The following ZNF492 variants were observed in gnomAD, a reference collection of about 807,000 sequenced individuals.
ZNF492 encodes zinc finger protein 492.
A neutral mutation model predicts 6.4 loss-of-function variants in ZNF492; 3 were observed. The ratio of observed to expected loss-of-function variants is 0.47; its 90% CI spans 0.21 to 1.22. The LOEUF (loss-of-function observed/expected upper bound fraction) is 1.22. ZNF492 is among the 50% of genes most tolerant of loss of function. ZNF492 has a pLI of 0.22. For synonymous variants in ZNF492, 112 were observed against 205.3 expected (o/e 0.55, Z 3.89); for missense variants, 356 against 612.5 (o/e 0.58, Z 4.42).
intron 1 of ZNF492, among the ~76,000 whole-genome samples, chr19:22,640,532 T>G (rs771524588): frequency 6.6e-6 from 1 of 152,250 alleles, no homozygotes; most frequent in African/African-American, 2.4e-5. Context: ...AGGTTTTTGA[T>G]GTCCTGCTCA....
In ZNF492 at chr19:22,648,570, T is replaced by TGGGAATCAGTGG. The variant is rs1371460199; in HGVS notation, c.-93-4734_-93-4733insAATCAGTGGGGG. Among the ~76,000 whole-genome samples the TGGGAATCAGTGG allele has an allele frequency of 7.9e-5, 12 of 152,346 alleles. No homozygotes were observed. The East Asian group carries it at 2.1e-3, about 27-fold the overall frequency. On this transcript the variant is annotated intron_variant, in intron 1 of 3. Coordinates refer to ENST00000456783, the MANE Select transcript of ZNF492 (RefSeq NM_020855.3). ...GTGTTAAAGTCTCCCACTGATTGTG[T>TGGGAATCAGTGG]GGGCGTCTAAGTCTCTTTGTAGGTC...
intron 3 of ZNF492, among the ~76,000 whole-genome samples, chr19:22,660,432 C>T: frequency 6.7e-6 from 1 of 149,292 alleles, no homozygotes. Flanking sequence ...TTTTTGGTGG[C>T]ACCTTGGGGG....
chr19:22,650,388 C>T (rs1432308676), intron 1 of ZNF492, among the ~76,000 whole-genome samples: 4 of 151,660 alleles, frequency 2.6e-5, no homozygotes, highest in Non-Finnish European at 5.9e-5. Context: ...GTATCTCACC[C>T]AGTTGGGTGG....
At chr19:22,640,256 G>A (rs1282343976) in intron 1 of ZNF492, among the ~76,000 whole-genome samples, 1 of 151,792 alleles carries the variant, frequency 6.6e-6, no homozygotes, top group Admixed American at 6.6e-5. Context: ...TCTGCCTCCC[G>A]GGTTCAAGCA....
At position 22,652,221 on chromosome 19, in the gene ZNF492, C is replaced by CT. The variant is rs59051481; in HGVS notation, c.-93-1069dup. On this transcript the variant is annotated intron_variant, in intron 1 of 3. Coordinates refer to ENST00000456783, the MANE Select transcript of ZNF492 (RefSeq NM_020855.3). ...AATCTGGCAGCTGACCTTTCTTAGGCTTTTTTTTTTTTTTTTTGAGACGGA... is the reference window on the plus strand; with the variant it reads ...AATCTGGCAGCTGACCTTTCTTAGGCTTTTTTTTTTTTTTTTTTGAGACGGA... 7.7e-3 allele frequency among the ~76,000 whole-genome samples: 808 copies of CT among 105,434 alleles called. 57 individuals are homozygous for CT. Among genetic ancestry groups the CT allele is most frequent in the Non-Finnish European group, 8.9e-3 (519 of 58,248 alleles). The allele number at this position is 105,434 out of a possible 152,430, so 69.2% of individuals were successfully genotyped here.
intron 1 of ZNF492, among the ~76,000 whole-genome samples, chr19:22,642,937 A>G (rs1971842938): frequency 6.6e-6 from 1 of 152,178 alleles, no homozygotes; most frequent in Non-Finnish European, 1.5e-5. Flanking sequence ...TTGATTATCC[A>G]AGGTACTTAT....
chr19:22,634,952 TGTG>T (rs1971745496), intron 1 of ZNF492, among the ~76,000 whole-genome samples: 1 of 152,190 alleles, frequency 6.6e-6, no homozygotes, highest in Admixed American at 6.5e-5. Flanking sequence ...AGCACCCAGC[TGTG>T]GGTTGTAGTT....
At chr19:22,647,727 G>GTTTTT (rs71180575) in intron 1 of ZNF492, among the ~76,000 whole-genome samples, 10 of 92,574 alleles carry the variant, frequency 1.1e-4, no homozygotes, top group African/African-American at 3.3e-4. Flanking sequence ...AGCTCTTTTA[G>GTTTTT]TTTTTTTTTT....
intron 1 of ZNF492, among the ~76,000 whole-genome samples, chr19:22,644,973 G>C (rs566363231): frequency 6.6e-6 from 1 of 152,154 alleles, no homozygotes; most frequent in African/African-American, 2.4e-5. Context: ...TTTCTCTAAT[G>C]ATCAGTGATG....
At chr19:22,656,749 T>TA (rs991862366) in intron 3 of ZNF492, among the ~76,000 whole-genome samples, 5 of 152,080 alleles carry the variant, frequency 3.3e-5, no homozygotes, top group African/African-American at 1.2e-4. Context: ...AGGGGTCCTA[T>TA]AGTTTGCCAC....
intron 1 of ZNF492, among the ~76,000 whole-genome samples, chr19:22,642,874 A>G (rs1241303113): frequency 1.3e-5 from 2 of 152,184 alleles, no homozygotes; most frequent in Non-Finnish European, 2.9e-5. Context: ...AAATTTAGCA[A>G]TACAGAATGA....
rs564332522 is a variant in ZNF492 at position 22,645,210 on chromosome 19, C to A, written c.-93-8097C>A. On this transcript the variant is annotated intron_variant, in intron 1 of 3. Transcript: ENST00000456783. ...TACAGATACCCACCACCACGCCCAG[C>A]TAATTTTTGTATTTTTAGTAGAGAT... Among the ~76,000 whole-genome samples, 3 of 152,070 alleles carry A rather than the reference C, an allele frequency of 2.0e-5. No individual in the cohort carries two copies. In the East Asian group the frequency reaches 5.8e-4, roughly 29 times the overall value.
chr19:22,654,318 A>G (rs1971971973), intron 3 of ZNF492, among the ~76,000 whole-genome samples: 1 of 152,094 alleles, frequency 6.6e-6, no homozygotes, highest in Non-Finnish European at 1.5e-5. Flanking sequence ...GTTTTTGAAA[A>G]CACGTAGATA....
chr19:22,645,691 T>G (rs1371035445), intron 1 of ZNF492, among the ~76,000 whole-genome samples: 2 of 152,186 alleles, frequency 1.3e-5, no homozygotes, highest in African/African-American at 4.8e-5. Flanking sequence ...TTGAGTAAAT[T>G]TTTGTATAAG....
At chr19:22,653,204 A>G (rs1971959612) in intron 1 of ZNF492, 103 bp from the exon 2 acceptor site, 1 of 1,322,570 alleles carries the variant, frequency 7.6e-7, no homozygotes, top group South Asian at 1.4e-5. Context: ...CACTCCTATA[A>G]GTAAGAACCA....
chr19:22,645,890 T>C (rs1159077817), intron 1 of ZNF492, among the ~76,000 whole-genome samples: 2 of 152,228 alleles, frequency 1.3e-5, no homozygotes, highest in Admixed American at 6.5e-5. Context: ...ATGTCTGTTT[T>C]TGGACCAGTA....
intron 1 of ZNF492, among the ~76,000 whole-genome samples, chr19:22,651,310 G>A (rs1160023398): frequency 2.0e-5 from 3 of 151,892 alleles, no homozygotes; most frequent in Non-Finnish European, 2.9e-5. Context: ...GGTTCTTTTC[G>A]GTGGGAGTCT....
intron 1 of ZNF492, among the ~76,000 whole-genome samples, chr19:22,641,550 G>A (rs1344833634): frequency 2.0e-5 from 3 of 152,180 alleles, no homozygotes; most frequent in Non-Finnish European, 4.4e-5. Context: ...TGTGCCACGT[G>A]ATGATGAGAA....
intron 1 of ZNF492, among the ~76,000 whole-genome samples, chr19:22,643,444 G>C (rs934634541): frequency 2.6e-5 from 4 of 152,176 alleles, no homozygotes; most frequent in African/African-American, 9.7e-5. Context: ...AGAGTGCCAA[G>C]TATAAGGGAC....
Sources: gnomAD v4.1 joint callset for allele counts (sites outside exome capture counted in the v4.1 genomes callset) on GRCh38, gnomAD v4.1.1 for gene constraint, MANE v1.5 for transcripts, NCBI Gene and HGNC (gene_info 2026-07-23, HGNC 2026-07-21) for gene names.